The following CCDC196 variants were observed in gnomAD, a reference collection of about 807,000 sequenced individuals.
The protein encoded by CCDC196 is coiled-coil domain-containing protein 196.
At chr14:66,495,082 C>T (rs959648807) in intron 8 of CCDC196, among the ~76,000 whole-genome samples, 20 of 150,788 alleles carry the variant, frequency 1.3e-4, no homozygotes, top group Admixed American at 6.6e-5. Context: ...CAAACTGCAA[C>T]TTTCTCCTTG....
At chr14:66,497,474 G>C (rs7160183) in intron 8 of CCDC196, among the ~76,000 whole-genome samples, 1 of 151,904 alleles carries the variant, frequency 6.6e-6, no homozygotes, top group Admixed American at 6.6e-5. Context: ...CAAATAAAAA[G>C]GGATACCCTA....
intron 8 of CCDC196, 80 bp downstream of exon 8, chr14:66,492,274 G>A: frequency 2.4e-6 from 1 of 408,930 alleles, no homozygotes; most frequent in Non-Finnish European, 4.4e-6. Flanking sequence ...TGTAAAGTGA[G>A]CAACACAATG....
chr14:66,486,836 G>C (rs137864556), intron 2 of CCDC196, 27 bp downstream of exon 2: 1 of 412,398 alleles, frequency 2.4e-6, no homozygotes, highest in Admixed American at 4.4e-5. Flanking sequence ...TGGATTCCTA[G>C]AGGTAAAAAG....
At chr14:66,498,064 TTC>T (rs1491422282) in intron 8 of CCDC196, 43 bp from the exon 9 acceptor site, 67 of 408,210 alleles carry the variant, frequency 1.6e-4, no homozygotes, top group Middle Eastern at 6.3e-4. Flanking sequence ...TTTTTTTTTT[TTC>T]CCCCTCAAAA....
intron 8 of CCDC196, among the ~76,000 whole-genome samples, 170 bp downstream of exon 8, chr14:66,492,364 C>T (rs1201130561): frequency 5.6e-5 from 8 of 142,658 alleles, no homozygotes; most frequent in African/African-American, 2.1e-4. Flanking sequence ...GAGACAGAGT[C>T]TGGCTCTGTT....
intron 4 of CCDC196, among the ~76,000 whole-genome samples, chr14:66,489,313 T>C (rs2057484204): frequency 6.6e-6 from 1 of 152,256 alleles, no homozygotes; most frequent in East Asian, 1.9e-4. Context: ...CCTTGCTTTC[T>C]ATGCAACCAT....
At chr14:66,495,409 C>A (rs958056694) in intron 8 of CCDC196, among the ~76,000 whole-genome samples, 1 of 152,144 alleles carries the variant, frequency 6.6e-6, no homozygotes, top group Non-Finnish European at 1.5e-5. Context: ...CACAGTGACT[C>A]TATGAAAGGT....
At chr14:66,497,040 A>C (rs907074337) in intron 8 of CCDC196, among the ~76,000 whole-genome samples, 2 of 152,130 alleles carry the variant, frequency 1.3e-5, no homozygotes, top group African/African-American at 4.8e-5. Flanking sequence ...GCTGAACTAC[A>C]CTTCAGCAGG....
chr14:66,491,777 C>T, intron 7 of CCDC196, 92 bp downstream of exon 7: 1 of 412,682 alleles, frequency 2.4e-6, no homozygotes, highest in African/African-American at 2.1e-5. Context: ...CCAGTCCCCA[C>T]ATCCTAGATT....
intron 2 of CCDC196, among the ~76,000 whole-genome samples, chr14:66,487,853 C>G (rs188516339): frequency 6.6e-6 from 1 of 152,246 alleles, no homozygotes; most frequent in East Asian, 1.9e-4. Context: ...CCCTTCTTCT[C>G]CCAAAAGTCA....
intron 8 of CCDC196, chr14:66,496,439 C>T (rs1260188403): frequency 2.2e-6 from 1 of 451,098 alleles, no homozygotes; most frequent in Middle Eastern, 3.4e-4. Context: ...TGTGGCATTA[C>T]CGTCATCCAT....
chr14:66,486,700 G>C lies in CCDC196; in HGVS notation c.94G>C (p.Asp32His). Residue 32 changes from aspartate to histidine, a missense_variant, in exon 2 of 10, where the codon GAC (aspartate) becomes CAC (histidine). By Grantham distance (81) the Asp-to-His change is moderately conservative (BLOSUM62 -1). Transcript: ENST00000636229. ...DDNYLKELNE[D>H]LKLRKQELLE... ...CAACTACTTGAAGGAATTGAATGAG[G>C]ACTTAAAGCTAAGGAAGCAGGAACT... 1 of 413,414 alleles carries C rather than the reference G, an allele frequency of 2.4e-6. No homozygotes were observed. Among genetic ancestry groups the C allele is most frequent in the Non-Finnish European group, 4.4e-6 (1 of 226,118 alleles). 25.6% of individuals were successfully genotyped at this position (413,414 alleles called of 1,614,324 possible). A position where few individuals can be genotyped will look rare whatever the true frequency, so the allele number is the denominator to read the frequency against.
At chr14:66,488,857 T>C in intron 3 of CCDC196, 130 bp from the exon 4 acceptor site, 1 of 407,306 alleles carries the variant, frequency 2.5e-6, no homozygotes, top group Non-Finnish European at 4.5e-6. Flanking sequence ...GACCCATTCA[T>C]TGCCTTCCTC....
At position 66,488,713 on chromosome 14, in the gene CCDC196, A is replaced by G. The variant is rs139899142; in HGVS notation, c.301-274A>G. Among the ~76,000 whole-genome samples, 35 of 152,306 alleles carry G rather than the reference A, an allele frequency of 2.3e-4. No homozygotes were observed. The East Asian group carries it at 3.5e-3, about 15-fold the overall frequency. ...GAAATGGCCACATAAGAGCATCTTA[A>G]GTGTTAGGAACTCATTTCTATAGAT... is the stretch of plus-strand genomic sequence containing the variant. On this transcript the variant is annotated intron_variant, in intron 3 of 9. Coordinates refer to ENST00000636229, the MANE Select transcript of CCDC196 (RefSeq NM_001351576.1).
chr14:66,498,494 T>A lies in CCDC196; in HGVS notation c.*22T>A, dbSNP rs1455301803. 3 of 412,930 alleles carry A rather than the reference T, an allele frequency of 7.3e-6. No individual in the cohort carries two copies. Among genetic ancestry groups the A allele is most frequent in the African/African-American group, 6.2e-5 (3 of 48,600 alleles). The allele number at this position is 412,930 out of a possible 1,614,324, so 25.6% of individuals were successfully genotyped here. A position where few individuals can be genotyped will look rare whatever the true frequency, so the allele number is the denominator to read the frequency against. On this transcript the variant is annotated 3_prime_UTR_variant, in exon 10 of 10. Transcript: ENST00000636229. The stretch of plus-strand genomic sequence containing the variant: ...TTAGCAGGCTTTCGCTCCATTTGCT[T>A]TGGACAGATTTAAAGACTAGGCACA...
chr14:66,490,748 G>A lies in CCDC196; in HGVS notation c.358G>A (p.Glu120Lys), dbSNP rs866116538. ...EMEMLWNKTF[E>K]AEELSDQQKA... ...CCAAAATGTCTTTCCACAGACATTCGAGGCAGAAGAACTTAGTGATCAACA... is the reference window on the plus strand; with the variant it reads ...CCAAAATGTCTTTCCACAGACATTCAAGGCAGAAGAACTTAGTGATCAACA... The change falls in exon 5 of 10, where the codon GAG becomes AAG. Residue 120 changes from glutamate (E) to lysine (K), a missense_variant. Glu to Lys is a moderately conservative substitution (Grantham distance 56, BLOSUM62 1). Transcript: ENST00000636229. 5.0e-5 allele frequency: 20 copies of A among 399,344 alleles called. No homozygotes were observed. The highest frequency in any genetic ancestry group is 3.9e-4 in the African/African-American group (19 of 48,698). The allele number at this position is 399,344 out of a possible 1,614,324, so 24.7% of individuals were successfully genotyped here.
At chr14:66,496,250 T>TG (rs1188598316) in intron 8 of CCDC196, 14 of 456,286 alleles carry the variant, frequency 3.1e-5, no homozygotes, top group South Asian at 2.2e-4. Flanking sequence ...TCCAAGTAGA[T>TG]GAAGAGTTTA....
intron 8 of CCDC196, among the ~76,000 whole-genome samples, chr14:66,494,355 CT>C: frequency 6.6e-6 from 1 of 152,120 alleles, no homozygotes; most frequent in Non-Finnish European, 1.5e-5. Flanking sequence ...TTTTTCACCT[CT>C]AGTATTTGAT....
chr14:66,487,407 G>A (rs541904568), intron 2 of CCDC196, among the ~76,000 whole-genome samples: 1 of 152,154 alleles, frequency 6.6e-6, no homozygotes, highest in Admixed American at 6.5e-5. Context: ...AGAACAAAAC[G>A]CAGGCAGAAA....
Sources: allele counts gnomAD v4.1 joint callset (sites outside exome capture counted in the v4.1 genomes callset), GRCh38; gene constraint gnomAD v4.1.1; transcripts MANE v1.5; gene names NCBI Gene and HGNC (gene_info 2026-07-23, HGNC 2026-07-21).